The following ARHGEF10 variants were observed in gnomAD, a reference collection of about 807,000 sequenced individuals.
The protein encoded by ARHGEF10 is Rho guanine nucleotide exchange factor (GEF) 10.
In ARHGEF10, 140 loss-of-function variants were observed where a neutral mutation model predicts 147.4. That is an observed-to-expected ratio of 0.95 (90% CI 0.83 to 1.09). The LOEUF (loss-of-function observed/expected upper bound fraction) is 1.09, where lower values mean the gene tolerates loss of function less well. Ranked by LOEUF, ARHGEF10 falls within the 50% of genes least tolerant of loss-of-function variation. The pLI is 0.00. For synonymous variants in ARHGEF10, 902 were observed against 695.8 expected (o/e 1.30, Z -4.67); for missense variants, 2,222 against 1,752.7 (o/e 1.27, Z -4.78).
chr8:1,942,692 C>T (rs905419646), intron 26 of ARHGEF10, among the ~76,000 whole-genome samples: 6 of 152,130 alleles, frequency 3.9e-5, no homozygotes, highest in African/African-American at 1.4e-4. Flanking sequence ...TCCAGACGCC[C>T]AGGAACTGGT....
At position 1,880,102 on chromosome 8, in the gene ARHGEF10, T is replaced by A. The variant is rs754510892; in HGVS notation, c.898T>A (p.Leu300Met). 8.1e-6 allele frequency: 13 copies of A among 1,614,166 alleles called. No individual in the cohort carries two copies. The highest frequency in any genetic ancestry group is 5.5e-5 in the South Asian group (5 of 91,082). Reference sequence around the variant, plus strand: ...GCACTATGAGAAAAAGATGAGAGATTTGATGGCAAGCACGGTGGGCGTGGT... The same window carrying A: ...GCACTATGAGAAAAAGATGAGAGATATGATGGCAAGCACGGTGGGCGTGGT... ...KEHYEKKMRD[L>M]MASTVGVVEI... The change falls in exon 9 of 29, where the codon TTG becomes ATG. Residue 300 changes from leucine to methionine, a missense_variant. Leu to Met is a conservative substitution (Grantham distance 15). Coordinates refer to ENST00000349830, the MANE Select transcript of ARHGEF10 (RefSeq NM_014629.4).
At chr8:1,830,112 A>G (rs944018485) in intron 1 of ARHGEF10, among the ~76,000 whole-genome samples, 3 of 152,210 alleles carry the variant, frequency 2.0e-5, no homozygotes, top group Non-Finnish European at 4.4e-5. Context: ...TTCTGTCTGC[A>G]GACGGCCCCA....
In ARHGEF10 at chr8:1,864,049, G is replaced by A. The variant is rs191882553; in HGVS notation, c.482-324G>A. 9.3e-5 allele frequency among the ~76,000 whole-genome samples: 14 copies of A among 151,330 alleles called. No individual in the cohort carries two copies. In the East Asian group the frequency reaches 2.0e-3, roughly 21 times the overall value. On this transcript the variant is annotated intron_variant, in intron 4 of 28. Coordinates refer to ENST00000349830, the MANE Select transcript of ARHGEF10 (RefSeq NM_014629.4). ...CTCTAGCCTGATGCATCTGGGTGCC[G>A]GTCACAGCCGTGGCTCCCATGCACA...
At chr8:1,828,030 G>C (rs1490532399) in intron 1 of ARHGEF10, among the ~76,000 whole-genome samples, 1 of 152,168 alleles carries the variant, frequency 6.6e-6, no homozygotes, top group African/African-American at 2.4e-5. Context: ...CTTAATGACC[G>C]TCAGTCCCTG....
intron 18 of ARHGEF10, among the ~76,000 whole-genome samples, chr8:1,909,853 G>T (rs933691672): frequency 2.6e-5 from 4 of 152,184 alleles, no homozygotes; most frequent in African/African-American, 9.7e-5. Context: ...TGAGGCGGTG[G>T]TGGTTCCAGC....
chr8:1,929,215 A>G (rs1812918113), intron 24 of ARHGEF10, 71 bp from the exon 25 acceptor site: 1 of 1,511,606 alleles, frequency 6.6e-7, no homozygotes, highest in Admixed American at 1.7e-5. Flanking sequence ...GTTTGTGTTT[A>G]TGTTAACAGG....
intron 7 of ARHGEF10, among the ~76,000 whole-genome samples, chr8:1,873,934 C>T (rs1807410784): frequency 6.6e-6 from 1 of 152,072 alleles, no homozygotes. Flanking sequence ...GACTGAGTGG[C>T]ATTAGGTACG....
intron 1 of ARHGEF10, among the ~76,000 whole-genome samples, chr8:1,825,241 C>CT (rs1380189679): frequency 1.3e-4 from 1 of 7,536 alleles, no homozygotes; most frequent in Admixed American, 1.3e-3. Context: ...CCACCTGTCC[C>CT]CCGCACCCCA....
intron 4 of ARHGEF10, among the ~76,000 whole-genome samples, chr8:1,862,892 C>T (rs2129080979): frequency 6.6e-6 from 1 of 151,504 alleles, no homozygotes; most frequent in African/African-American, 2.4e-5. Context: ...CGTTCTCCTG[C>T]CTCAGCCTCC....
chr8:1,883,812 C>G (rs765937939), intron 10 of ARHGEF10, among the ~76,000 whole-genome samples: 2 of 152,128 alleles, frequency 1.3e-5, no homozygotes, highest in Non-Finnish European at 2.9e-5. Context: ...CAGCTCTGTC[C>G]AGTGAGGAGT....
chr8:1,873,014 G>A (rs964432388), intron 7 of ARHGEF10, among the ~76,000 whole-genome samples: 18 of 152,228 alleles, frequency 1.2e-4, no homozygotes, highest in African/African-American at 3.4e-4. Flanking sequence ...CTCGCGGAAG[G>A]CGTGGTCTGG....
intron 4 of ARHGEF10, among the ~76,000 whole-genome samples, chr8:1,861,471 C>T (rs1806127055): frequency 6.6e-6 from 1 of 152,182 alleles, no homozygotes; most frequent in Non-Finnish European, 1.5e-5. Context: ...TTGCCCAGAT[C>T]TGTTTCTATG....
At chr8:1,950,613 A>G (rs1333141139) in intron 27 of ARHGEF10, among the ~76,000 whole-genome samples, 1 of 151,190 alleles carries the variant, frequency 6.6e-6, no homozygotes, top group African/African-American at 2.4e-5. Context: ...GCTCACTGCA[A>G]CCTCCGCCTC....
chr8:1,930,340 G>A (rs1252897361), intron 25 of ARHGEF10, among the ~76,000 whole-genome samples: 1 of 151,930 alleles, frequency 6.6e-6, no homozygotes, highest in East Asian at 1.9e-4. Flanking sequence ...CCATGTCCCA[G>A]CTCACTCCCC....
chr8:1,828,164 G>T (rs933168484), intron 1 of ARHGEF10, among the ~76,000 whole-genome samples: 20 of 152,250 alleles, frequency 1.3e-4, no homozygotes, highest in African/African-American at 4.8e-4. Flanking sequence ...GTCGGGGTGA[G>T]TCAGGCTCCT....
chr8:1,929,512 G>C (rs1812946752), intron 25 of ARHGEF10, 69 bp downstream of exon 25: 15 of 1,519,280 alleles, frequency 9.9e-6, no homozygotes, highest in Non-Finnish European at 1.3e-5. Flanking sequence ...ATCCGGTTTA[G>C]CCTCCCCACC....
intron 2 of ARHGEF10, among the ~76,000 whole-genome samples, chr8:1,854,537 G>A (rs1179036701): frequency 2.0e-5 from 3 of 150,562 alleles, no homozygotes; most frequent in Non-Finnish European, 4.5e-5. Flanking sequence ...AGGATGGAGG[G>A]CAGCTCCGCC....
At chr8:1,826,575 C>G (rs1218312321) in intron 1 of ARHGEF10, among the ~76,000 whole-genome samples, 4 of 152,146 alleles carry the variant, frequency 2.6e-5, no homozygotes, top group Non-Finnish European at 5.9e-5. Flanking sequence ...AGGGTGCTCA[C>G]TTACGAAGTT....
chr8:1,923,236 A>G (rs1812434056), intron 19 of ARHGEF10, 157 bp downstream of exon 19: 2 of 847,636 alleles, frequency 2.4e-6, no homozygotes, highest in Non-Finnish European at 3.7e-6. Flanking sequence ...ATAAGGTGAG[A>G]CTATTTAATG....
Sources: allele counts gnomAD v4.1 joint callset (sites outside exome capture counted in the v4.1 genomes callset), GRCh38; gene constraint gnomAD v4.1.1; transcripts MANE v1.5; gene names NCBI Gene and HGNC (gene_info 2026-07-23, HGNC 2026-07-21).